ERBB4: variants seen among roughly 807,000 people sequenced by gnomAD.
ERBB4 encodes the protein erb-b2 receptor tyrosine kinase 4.
A neutral mutation model predicts 158.0 loss-of-function variants in ERBB4; 42 were observed. The observed-to-expected ratio is 0.27, with a 90% CI of 0.21 to 0.34. The LOEUF (loss-of-function observed/expected upper bound fraction) is 0.34. Ranked by LOEUF, ERBB4 falls within the 10% of genes least tolerant of loss-of-function variation. The pLI is 1.00. For missense variants in ERBB4, 1,333 were observed against 1,624.1 expected, an observed-to-expected ratio of 0.82 and a Z score of 3.08; for synonymous variants, 583 against 558.7, an observed-to-expected ratio of 1.04 and a Z score of -0.61.
intron 12 of ERBB4, among the ~76,000 whole-genome samples, chr2:211,683,646 G>A (rs903909435): frequency 2.0e-5 from 3 of 151,748 alleles, no homozygotes; most frequent in African/African-American, 7.3e-5. Context: ...ATAAACATTT[G>A]TGTATATGAT....
chr2:212,513,806 C>T (rs909439001), intron 1 of ERBB4, among the ~76,000 whole-genome samples: 4 of 147,780 alleles, frequency 2.7e-5, no homozygotes, highest in African/African-American at 1.1e-4. Context: ...GGCGAGACTC[C>T]GTCTCAAAAA....
intron 19 of ERBB4, among the ~76,000 whole-genome samples, chr2:211,587,193 C>CA (rs397806638): frequency 0.064 from 8,489 of 131,926 alleles, 759 homozygotes; most frequent in African/African-American, 0.21. Context: ...TCTCTACTTA[C>CA]AAAAAAAAAA....
chr2:211,695,728 T>G (rs931875359), intron 12 of ERBB4, among the ~76,000 whole-genome samples: 4 of 152,100 alleles, frequency 2.6e-5, no homozygotes, highest in African/African-American at 9.7e-5. Context: ...ATAAGGTAAA[T>G]TTTTCTTCTG....
intron 1 of ERBB4, among the ~76,000 whole-genome samples, chr2:212,278,021 T>C (rs566754365): frequency 2.0e-5 from 3 of 151,852 alleles, no homozygotes; most frequent in East Asian, 3.9e-4. Flanking sequence ...CAATAATTCA[T>C]TATCGATTGT....
At chr2:212,281,080 CT>C (rs906205717) in intron 1 of ERBB4, among the ~76,000 whole-genome samples, 6 of 151,870 alleles carry the variant, frequency 4.0e-5, no homozygotes, top group African/African-American at 1.4e-4. Flanking sequence ...ACAACTCCCC[CT>C]CAGAAATACT....
chr2:212,362,313 G>C (rs1424907444), intron 1 of ERBB4, among the ~76,000 whole-genome samples: 8 of 151,284 alleles, frequency 5.3e-5, no homozygotes, highest in Non-Finnish European at 1.2e-4. Flanking sequence ...CAAATTAGCG[G>C]CTAATTTTAA....
rs1201613286 is a variant in ERBB4 at position 211,948,716 on chromosome 2, C to T, written c.235-1100G>A. Among the ~76,000 whole-genome samples the T allele has an allele frequency of 3.3e-5, 5 of 151,808 alleles. No individual in the cohort carries two copies. The East Asian group carries it at 7.8e-4, about 24-fold the overall frequency. On this transcript the variant is annotated intron_variant, in intron 2 of 27. Coordinates refer to ENST00000342788, the MANE Select transcript of ERBB4 (RefSeq NM_005235.3). Reference sequence around the variant, plus strand: ...CAAGTATTTGGTATTATTTTAATACCAATTTCATGTTATTCTAACTAACCC... The same window carrying T: ...CAAGTATTTGGTATTATTTTAATACTAATTTCATGTTATTCTAACTAACCC...
chr2:212,458,898 T>G (rs1266215694), intron 1 of ERBB4, among the ~76,000 whole-genome samples: 1 of 152,208 alleles, frequency 6.6e-6, no homozygotes, highest in Non-Finnish European at 1.5e-5. Context: ...ATCTTGTTCA[T>G]GTTTGGACCC....
Position 211,665,384 on chromosome 2 carries a change from T to C in ERBB4, c.1810A>G (p.Ile604Val), listed in dbSNP as rs1360886598. The change falls in exon 15 of 28, where the codon ATT becomes GTT. Residue 604 changes from isoleucine to valine, a missense_variant. Ile to Val is a conservative substitution (Grantham distance 29, BLOSUM62 3). Around this residue, in one of 5 missense-constraint regions of ERBB4, gnomAD observed 245 missense variants for 247.5 expected, o/e 0.99. Transcript: ENST00000342788. Reference sequence around the variant, plus strand: ...CGATCTGGATCAGCATACTTGAAAATGAAACTGTTTGCCCCCTGTAAGCCA... The same window carrying C: ...CGATCTGGATCAGCATACTTGAAAACGAAACTGTTTGCCCCCTGTAAGCCA... Reference protein sequence around the residue: ...PDGLQGANSFIFKYADPDREC... With the variant: ...PDGLQGANSFVFKYADPDREC... 31 of 1,614,054 alleles carry C rather than the reference T, an allele frequency of 1.9e-5. No homozygotes were observed. The highest frequency in any genetic ancestry group is 2.5e-5 in the Non-Finnish European group (30 of 1,180,014).
At chr2:211,487,659 T>C (rs2065240375) in intron 20 of ERBB4, among the ~76,000 whole-genome samples, 1 of 152,086 alleles carries the variant, frequency 6.6e-6, no homozygotes. Flanking sequence ...GATATCACTT[T>C]ATCCCCACTG....
chr2:211,617,780 T>A (rs1163733980), intron 19 of ERBB4, among the ~76,000 whole-genome samples: 4 of 152,076 alleles, frequency 2.6e-5, no homozygotes, highest in African/African-American at 9.7e-5. Context: ...TATATAGCAA[T>A]TCATCTTTTA....
intron 1 of ERBB4, among the ~76,000 whole-genome samples, chr2:212,196,188 A>T (rs2082420711): frequency 6.6e-6 from 1 of 152,192 alleles, no homozygotes; most frequent in South Asian, 2.1e-4. Flanking sequence ...ACAATTGATT[A>T]AAAAACGATT....
intron 1 of ERBB4, among the ~76,000 whole-genome samples, chr2:212,482,789 C>A (rs1391758782): frequency 6.6e-6 from 1 of 151,958 alleles, no homozygotes; most frequent in Non-Finnish European, 1.5e-5. Context: ...GCAAATTTTT[C>A]TTTTTTTGTA....
rs1008277035 is a variant in ERBB4 at position 212,510,272 on chromosome 2, G to A, written c.82+28177C>T. On this transcript the variant is annotated intron_variant, in intron 1 of 27. Coordinates refer to ENST00000342788, the MANE Select transcript of ERBB4 (RefSeq NM_005235.3). Reference sequence around the variant, plus strand: ...AATGTATTCATACAACAACTTGAGTGATTTCCAATACTATTGCACAATATA... The same window carrying A: ...AATGTATTCATACAACAACTTGAGTAATTTCCAATACTATTGCACAATATA... Among the ~76,000 whole-genome samples, 3 of 147,738 alleles carry A rather than the reference G, an allele frequency of 2.0e-5. No homozygotes were observed. In the Admixed American group the frequency reaches 2.0e-4, roughly 10 times the overall value.
Position 211,677,185 on chromosome 2 carries a change from A to G in ERBB4, c.1622+1867T>C, listed in dbSNP as rs114996191. Among the ~76,000 whole-genome samples, 271 of 152,294 alleles carry G rather than the reference A, an allele frequency of 1.8e-3. 2 individuals carry two copies. The highest frequency in any genetic ancestry group is 5.7e-3 in the African/African-American group (239 of 41,566). ...TTCTCGTGTAAAATGCAAAATTCCA[A>G]TGTTATTTATTGGATCCAGTGGGAT... On this transcript the variant is annotated intron_variant, in intron 13 of 27. Transcript: ENST00000342788.
chr2:212,226,385 C>T (rs566639609), intron 1 of ERBB4, among the ~76,000 whole-genome samples: 3 of 147,090 alleles, frequency 2.0e-5, no homozygotes, highest in South Asian at 2.2e-4. Context: ...ACCTCTAACC[C>T]ATGGGAATTG....
chr2:212,474,914 A>G (rs113114057), intron 1 of ERBB4, among the ~76,000 whole-genome samples: 7 of 140,270 alleles, frequency 5.0e-5, no homozygotes, highest in Admixed American at 1.6e-4. Context: ...CTCAGCCTCC[A>G]GAGTAGCAGG....
intron 3 of ERBB4, among the ~76,000 whole-genome samples, chr2:211,938,943 C>T (rs370483427): frequency 2.0e-5 from 3 of 152,088 alleles, no homozygotes; most frequent in African/African-American, 7.2e-5. Context: ...GTTTAGCAAG[C>T]AAGCTTGATT....
intron 1 of ERBB4, among the ~76,000 whole-genome samples, chr2:212,395,188 G>T (rs1490253370): frequency 1.3e-5 from 2 of 151,934 alleles, no homozygotes; most frequent in Non-Finnish European, 2.9e-5. Flanking sequence ...CTCCTTAATT[G>T]ATATGTTATC....
Sources: allele counts gnomAD v4.1 joint callset (sites outside exome capture counted in the v4.1 genomes callset), GRCh38; gene constraint gnomAD v4.1.1; regional missense constraint gnomAD v4.1.1; transcripts MANE v1.5; gene names NCBI Gene and HGNC (gene_info 2026-07-23, HGNC 2026-07-21).